Variants in TTC17 observed in about 807,000 individuals in gnomAD.
TTC17 encodes the protein tetratricopeptide repeat domain 17, also known as tetratricopeptide repeat protein 17.
Under a neutral mutation model 143.8 loss-of-function variants are expected in TTC17, and 58 were observed. The ratio of observed to expected loss-of-function variants is 0.40; its 90% CI spans 0.33 to 0.50. The LOEUF is 0.50. TTC17 is among the 20% of genes least tolerant of loss of function. The probability of loss-of-function intolerance (pLI) is 0.49; values close to 1 mark genes in which losing one functional copy is unlikely to be tolerated. For synonymous variants in TTC17, 501 were observed against 497.8 expected, an observed-to-expected ratio of 1.01 and a Z score of -0.09; for missense variants, 1,273 against 1,392.5, an observed-to-expected ratio of 0.91 and a Z score of 1.37.
rs1948517951 is a variant in TTC17, at chr11:43,494,045, G to A, written c.*141G>A. ...TTATAACAGGACTTTTACATATGTGGGAATTGGTTTGTTTTTGTTTTTACG... is the reference window on the plus strand; with the variant it reads ...TTATAACAGGACTTTTACATATGTGAGAATTGGTTTGTTTTTGTTTTTACG... On this transcript the variant is annotated 3_prime_UTR_variant, in exon 24 of 24. Transcript: ENST00000039989. The A allele has an allele frequency of 2.4e-6, 3 of 1,245,560 alleles. No individual in the cohort carries two copies. The highest frequency in any genetic ancestry group is 1.5e-5 in the African/African-American group (1 of 65,574). 77.2% of individuals were successfully genotyped at this position (1,245,560 alleles called of 1,614,324 possible). A position where few individuals can be genotyped will look rare whatever the true frequency, so the allele number is the denominator to read the frequency against.
intron 15 of TTC17, among the ~76,000 whole-genome samples, chr11:43,408,173 C>T (rs1334821129): frequency 1.3e-5 from 2 of 152,130 alleles, no homozygotes; most frequent in Non-Finnish European, 2.9e-5. Context: ...TTTTAGGTTT[C>T]ATGAAATTCA....
At chr11:43,387,300 G>A (rs779192481) in intron 2 of TTC17, among the ~76,000 whole-genome samples, 2 of 152,138 alleles carry the variant, frequency 1.3e-5, no homozygotes, top group Non-Finnish European at 1.5e-5. Context: ...TTCTCATGAA[G>A]GAAAGTGAAG....
chr11:43,399,906 G>A lies in TTC17; in HGVS notation c.1077G>A (p.Leu359=), dbSNP rs1857777706. 6.2e-7 allele frequency: 1 copy of A among 1,611,404 alleles called. No homozygotes were observed. The highest frequency in any genetic ancestry group is 1.7e-5 in the Admixed American group (1 of 59,556). The change falls in exon 9 of 24, where the codon CTG becomes CTA. Residue 359 remains leucine, a synonymous_variant. Transcript: ENST00000039989. Reference sequence around the variant, plus strand: ...TGTTAAGATCTCTCCAGCGAACACTGAATGAGTTAAAAGAGTATCAAAAGC... The same window carrying A: ...TGTTAAGATCTCTCCAGCGAACACTAAATGAGTTAAAAGAGTATCAAAAGC... ...EAQHRSLQRT[L]NELKEYQKQH...
At chr11:43,489,997 A>G (rs564322751) in intron 21 of TTC17, 1 of 301,254 alleles carries the variant, frequency 3.3e-6, no homozygotes, top group South Asian at 9.1e-5. Flanking sequence ...CTTGGGCAAG[A>G]CACTTAAGCT....
At position 43,389,876 on chromosome 11, in the gene TTC17, C is replaced by T. The variant is rs371543770; in HGVS notation, c.419+55C>T. On this transcript the variant is annotated intron_variant, in intron 3 of 23. Coordinates refer to ENST00000039989, the MANE Select transcript of TTC17 (RefSeq NM_018259.6). Reference sequence around the variant, plus strand: ...TTGCTGTTTCAAACATTTCCTTTCTCAAATTAGTAAGAAATTATTTCTGTA... The same window carrying T: ...TTGCTGTTTCAAACATTTCCTTTCTTAAATTAGTAAGAAATTATTTCTGTA... 116 of 1,459,312 alleles carry T rather than the reference C, an allele frequency of 7.9e-5. No homozygotes were observed. In the Middle Eastern group the frequency reaches 2.7e-3, roughly 34 times the overall value. The allele number at this position is 1,459,312 out of a possible 1,614,324, so 90.4% of individuals were successfully genotyped here. A position where few individuals can be genotyped will look rare whatever the true frequency, so the allele number is the denominator to read the frequency against.
intron 22 of TTC17, chr11:43,490,856 A>C (rs1214186431): frequency 1.2e-5 from 1 of 85,534 alleles, no homozygotes; most frequent in South Asian, 2.7e-4. Flanking sequence ...TTTTTCCACA[A>C]AAAAAAAAAA....
chr11:43,405,561 C>G lies in TTC17; in HGVS notation c.1527C>G (p.Ser509Arg). The change falls in exon 12 of 24, where the codon AGC becomes AGG. Residue 509 changes from serine to arginine, a missense_variant. Transcript: ENST00000039989. ...LWPKRADCTESYPRVPVGGEL... is the reference protein window; with the variant it reads ...LWPKRADCTERYPRVPVGGEL... The stretch of plus-strand genomic sequence containing the variant: ...CTAAAAGAGCAGATTGTACAGAAAG[C>G]TACCCTAGAGTCCCTGTTGGTGGGG... The G allele has an allele frequency of 1.2e-6, 2 of 1,613,946 alleles. No individual in the cohort carries two copies. Among genetic ancestry groups the G allele is most frequent in the Non-Finnish European group, 1.7e-6 (2 of 1,179,880 alleles).
chr11:43,373,171 A>T (rs145874537), intron 1 of TTC17, among the ~76,000 whole-genome samples: 1,861 of 152,212 alleles, frequency 0.012, 21 homozygotes, highest in Non-Finnish European at 0.018. Flanking sequence ...AAATATATTT[A>T]GTTTATAATT....
intron 7 of TTC17, 116 bp from the exon 8 acceptor site, chr11:43,397,858 A>T: frequency 7.1e-7 from 1 of 1,403,878 alleles, no homozygotes; most frequent in South Asian, 1.4e-5. Context: ...TCATTAGAGG[A>T]TTTGGACAGA....
chr11:43,383,664 C>T (rs567825698), intron 2 of TTC17, among the ~76,000 whole-genome samples: 3 of 152,146 alleles, frequency 2.0e-5, no homozygotes, highest in Non-Finnish European at 4.4e-5. Flanking sequence ...CCACCGTGCC[C>T]GGCCACAAAC....
At chr11:43,439,095 T>C (rs1431216359) in intron 16 of TTC17, among the ~76,000 whole-genome samples, 1 of 152,220 alleles carries the variant, frequency 6.6e-6, no homozygotes, top group Non-Finnish European at 1.5e-5. Context: ...CTTTCCTATG[T>C]CTTTGCTTCT....
intron 16 of TTC17, chr11:43,436,393 C>T: frequency 1.6e-6 from 2 of 1,222,206 alleles, no homozygotes; most frequent in Non-Finnish European, 2.1e-6. Context: ...AAGCTTTAAG[C>T]TTAGGCTTTT....
At chr11:43,436,163 G>A in intron 16 of TTC17, 1 of 1,387,944 alleles carries the variant, frequency 7.2e-7, no homozygotes. Flanking sequence ...TTGTCATTGA[G>A]GTAATTGTCA....
At chr11:43,429,458 G>A (rs1023320417) in intron 16 of TTC17, among the ~76,000 whole-genome samples, 4 of 152,152 alleles carry the variant, frequency 2.6e-5, no homozygotes, top group African/African-American at 9.7e-5. Context: ...TCTGTGTGGT[G>A]CCAAAGTCCC....
intron 18 of TTC17, 34 bp from the exon 19 acceptor site, chr11:43,447,968 A>T (rs1281285879): frequency 6.2e-7 from 1 of 1,609,434 alleles, no homozygotes; most frequent in African/African-American, 1.3e-5. Flanking sequence ...CTTCCTTTGC[A>T]ATTGTGTGGA....
chr11:43,491,750 A>G (rs771617254), intron 22 of TTC17: 51 of 422,776 alleles, frequency 1.2e-4, no homozygotes, highest in Non-Finnish European at 1.8e-4. Flanking sequence ...AACCAACTAC[A>G]TTATTCAGCA....
chr11:43,399,078 C>T (rs1244801309), intron 8 of TTC17, among the ~76,000 whole-genome samples: 1 of 152,102 alleles, frequency 6.6e-6, no homozygotes, highest in Admixed American at 6.6e-5. Flanking sequence ...TTACTGAAAT[C>T]AGGTGGTGAA....
At chr11:43,433,587 G>A (rs1236670330) in intron 16 of TTC17, among the ~76,000 whole-genome samples, 1 of 152,142 alleles carries the variant, frequency 6.6e-6, no homozygotes, top group Non-Finnish European at 1.5e-5. Flanking sequence ...GAGTAATTTA[G>A]CTTCAGGGTC....
Position 43,490,292 on chromosome 11 carries a change from A to C in TTC17, c.3084A>C (p.Lys1028Asn). 1 of 1,612,940 alleles carries C rather than the reference A, an allele frequency of 6.2e-7. No individual in the cohort carries two copies. Among genetic ancestry groups the C allele is most frequent in the Non-Finnish European group, 8.5e-7 (1 of 1,179,334 alleles). ...SSMAALYWRV[K>N]GQGKKAIDCL... ...TGGCAGCCCTCTACTGGAGGGTGAA[A>C]GGCCAAGGAAAGAAGGCAATCGACT... The change falls in exon 22 of 24, where the codon AAA (lysine) becomes AAC (asparagine). Residue 1028 changes from lysine (K) to asparagine (N), a missense_variant. Physicochemically the swap from Lys to Asn is moderately conservative, Grantham distance 94. This residue lies in a region of TTC17 where 878 missense variants were observed against 899.8 expected (regional missense o/e 0.98). Transcript: ENST00000039989.
Sources: allele counts gnomAD v4.1 joint callset (sites outside exome capture counted in the v4.1 genomes callset), GRCh38; gene constraint gnomAD v4.1.1; regional missense constraint gnomAD v4.1.1; transcripts MANE v1.5; gene names NCBI Gene and HGNC (gene_info 2026-07-23, HGNC 2026-07-21).